The following GALNT13 variants were observed in gnomAD, a reference collection of about 807,000 sequenced individuals.
The protein encoded by GALNT13 is UDP-GalNAc:polypeptide N-acetylgalactosaminyltransferase 13.
A neutral mutation model predicts 64.2 loss-of-function variants in GALNT13; 28 were observed. The ratio of observed to expected loss-of-function variants is 0.44; its 90% CI spans 0.32 to 0.60. The LOEUF (loss-of-function observed/expected upper bound fraction) is 0.60, where lower values mean the gene tolerates loss of function less well. Among genes scored for constraint, GALNT13 ranks in the 20% least tolerant of loss-of-function variants. The probability of loss-of-function intolerance (pLI) is 0.05; values close to 1 mark genes in which losing one functional copy is unlikely to be tolerated. For missense variants in GALNT13, 577 were observed against 669.8 expected, an observed-to-expected ratio of 0.86 and a Z score of 1.53; for synonymous variants, 214 against 224.6, an observed-to-expected ratio of 0.95 and a Z score of 0.42.
At chr2:154,161,137 T>C (rs1684702544) in intron 4 of GALNT13, among the ~76,000 whole-genome samples, 1 of 152,086 alleles carries the variant, frequency 6.6e-6, no homozygotes, top group African/African-American at 2.4e-5. Flanking sequence ...CTTGAGAGGG[T>C]AAAAGACACT....
chr2:154,372,155 T>C (rs1227568364), intron 9 of GALNT13, among the ~76,000 whole-genome samples: 1 of 152,114 alleles, frequency 6.6e-6, no homozygotes, highest in Non-Finnish European at 1.5e-5. Flanking sequence ...TTTTCTCAGA[T>C]TGTAAAGAAG....
At chr2:153,828,663 G>A in the GALNT13 span, among the ~76,000 whole-genome samples, 4 of 152,146 alleles carry the variant, frequency 2.6e-5, no homozygotes, top group South Asian at 8.3e-4. Context: ...GCTCTGATAT[G>A]CCCTGGAGAT....
chr2:153,924,910 T>G (rs1690012820), intron 2 of GALNT13, among the ~76,000 whole-genome samples: 3 of 152,142 alleles, frequency 2.0e-5, no homozygotes, highest in Non-Finnish European at 4.4e-5. Flanking sequence ...GCCATTGTTT[T>G]TGGCTTGTAA....
At chr2:153,199,001 A>G in the GALNT13 span, among the ~76,000 whole-genome samples, 12 of 152,136 alleles carry the variant, frequency 7.9e-5, no homozygotes, top group Non-Finnish European at 1.3e-4. Context: ...GGGACACCCT[A>G]TGGCTTTATG....
chr2:154,017,046 A>G (rs952261275), intron 3 of GALNT13, among the ~76,000 whole-genome samples: 6 of 152,160 alleles, frequency 3.9e-5, no homozygotes, highest in Non-Finnish European at 5.9e-5. Flanking sequence ...CTGGAAGATT[A>G]ACATATAGAC....
chr2:153,420,673 A>C, the GALNT13 span: 1 of 223,462 alleles, frequency 4.5e-6, no homozygotes, highest in African/African-American at 2.3e-5. Flanking sequence ...ATGGAAAATT[A>C]GTGTTCCCCT....
intron 1 of GALNT13, among the ~76,000 whole-genome samples, chr2:153,895,566 A>T (rs1177835120): frequency 6.6e-6 from 1 of 152,142 alleles, no homozygotes; most frequent in African/African-American, 2.4e-5. Context: ...GCATGACCAT[A>T]TGCAGAACTA....
chr2:153,456,951 T>G, the GALNT13 span, among the ~76,000 whole-genome samples: 6 of 152,318 alleles, frequency 3.9e-5, no homozygotes, highest in East Asian at 9.6e-4. Context: ...GAGGGAACTA[T>G]GTGAACCAGA....
rs143712065 is a variant in GALNT13, at chr2:154,059,620, A to G, written c.143-80717A>G. 2.6e-5 allele frequency among the ~76,000 whole-genome samples: 4 copies of G among 152,306 alleles called. No individual in the cohort carries two copies. The East Asian group carries it at 5.8e-4, about 22-fold the overall frequency. On this transcript the variant is annotated intron_variant, in intron 3 of 12. Coordinates refer to ENST00000392825, the MANE Select transcript of GALNT13 (RefSeq NM_052917.4). Reference sequence around the variant, plus strand: ...GTTTCATCCATTTTTCATCTGCAAAACAGCCCATGGAGGTATTTCAAAATG... The same window carrying G: ...GTTTCATCCATTTTTCATCTGCAAAGCAGCCCATGGAGGTATTTCAAAATG...
chr2:154,241,873 A>G (rs992520571), intron 4 of GALNT13, among the ~76,000 whole-genome samples, 157 bp from the exon 5 acceptor site: 1 of 152,238 alleles, frequency 6.6e-6, no homozygotes, highest in Non-Finnish European at 1.5e-5. Context: ...GATTACTCAC[A>G]GCAGTTATAA....
the GALNT13 span, among the ~76,000 whole-genome samples, chr2:153,204,666 T>C: frequency 2.3e-5 from 3 of 130,550 alleles, no homozygotes; most frequent in East Asian, 1.9e-4. Flanking sequence ...TTAGAATCTC[T>C]TGGTTCTTCC....
intron 9 of GALNT13, 119 bp from the exon 10 acceptor site, chr2:154,395,872 A>G: frequency 1.3e-6 from 1 of 769,248 alleles, no homozygotes; most frequent in Non-Finnish European, 2.0e-6. Flanking sequence ...TAGCAGCTGC[A>G]TATGCAATTG....
chr2:154,358,653 C>A (rs1696887233), intron 9 of GALNT13, among the ~76,000 whole-genome samples: 1 of 151,914 alleles, frequency 6.6e-6, no homozygotes, highest in African/African-American at 2.4e-5. Context: ...GGATTACAAA[C>A]AATAAGTCTT....
At chr2:153,221,485 A>T in the GALNT13 span, among the ~76,000 whole-genome samples, 7 of 152,362 alleles carry the variant, frequency 4.6e-5, no homozygotes, top group Non-Finnish European at 1.0e-4. Flanking sequence ...AATAAAGATT[A>T]TCATGGATAC....
At chr2:154,361,757 C>G (rs1356930373) in intron 9 of GALNT13, among the ~76,000 whole-genome samples, 2 of 152,082 alleles carry the variant, frequency 1.3e-5, no homozygotes, top group Non-Finnish European at 2.9e-5. Flanking sequence ...ATGTCAAAAA[C>G]TAGGCCTGTG....
chr2:154,061,742 G>C (rs1446319013), intron 3 of GALNT13, among the ~76,000 whole-genome samples: 1 of 65,370 alleles, frequency 1.5e-5, no homozygotes, highest in Non-Finnish European at 3.5e-5. Flanking sequence ...AATTCAACAT[G>C]GAATTTTTTT....
the GALNT13 span, among the ~76,000 whole-genome samples, chr2:153,448,908 G>C: frequency 6.6e-6 from 1 of 152,126 alleles, no homozygotes; most frequent in Non-Finnish European, 1.5e-5. Flanking sequence ...GTTAAACGAG[G>C]TCATAAGAGT....
chr2:153,615,123 A>G, the GALNT13 span, among the ~76,000 whole-genome samples: 1 of 152,132 alleles, frequency 6.6e-6, no homozygotes, highest in Non-Finnish European at 1.5e-5. Context: ...AGTGAAAAAC[A>G]TACCATGTTT....
At chr2:153,309,365 G>A in the GALNT13 span, among the ~76,000 whole-genome samples, 9 of 152,140 alleles carry the variant, frequency 5.9e-5, no homozygotes, top group African/African-American at 2.2e-4. Flanking sequence ...ACATGTACAA[G>A]TCCTGTCCCC....
Sources: gnomAD v4.1 joint callset for allele counts (sites outside exome capture counted in the v4.1 genomes callset) on GRCh38, gnomAD v4.1.1 for gene constraint, MANE v1.5 for transcripts, NCBI Gene and HGNC (gene_info 2026-07-23, HGNC 2026-07-21) for gene names.